The following IFNAR1 variants were observed in gnomAD, a reference collection of about 807,000 sequenced individuals.
IFNAR1 encodes the protein interferon alpha and beta receptor subunit 1.
A neutral mutation model predicts 62.1 loss-of-function variants in IFNAR1; 47 were observed. The observed-to-expected ratio is 0.76, with a 90% CI of 0.60 to 0.97. The LOEUF (loss-of-function observed/expected upper bound fraction) is 0.97. Among genes scored for constraint, IFNAR1 ranks in the 50% least tolerant of loss-of-function variants. IFNAR1 has a pLI of 0.00. For missense variants in IFNAR1, 638 were observed against 654.5 expected (o/e 0.97, Z 0.27); for synonymous variants, 219 against 226.9 (o/e 0.97, Z 0.31).
At chr21:33,349,853 G>A (rs985838061) in intron 8 of IFNAR1, among the ~76,000 whole-genome samples, 5 of 151,946 alleles carry the variant, frequency 3.3e-5, no homozygotes, top group African/African-American at 1.2e-4. Context: ...GGGAGGTCAA[G>A]GCTGCAGTGA....
At chr21:33,337,769 A>G (rs946867261) in intron 2 of IFNAR1, among the ~76,000 whole-genome samples, 4 of 152,300 alleles carry the variant, frequency 2.6e-5, no homozygotes, top group African/African-American at 9.6e-5. Context: ...ATATATACAT[A>G]TACACACTGT....
At chr21:33,333,151 C>A (rs1455248245) in intron 1 of IFNAR1, among the ~76,000 whole-genome samples, 2 of 152,212 alleles carry the variant, frequency 1.3e-5, no homozygotes, top group Non-Finnish European at 2.9e-5. Flanking sequence ...ATTCAGCTAA[C>A]AGCAGATTTC....
chr21:33,348,918 C>T (rs1228742110), intron 6 of IFNAR1, among the ~76,000 whole-genome samples, 173 bp from the exon 7 acceptor site: 1 of 152,200 alleles, frequency 6.6e-6, no homozygotes, highest in Non-Finnish European at 1.5e-5. Flanking sequence ...TGACCACAGT[C>T]TGGAACAGTC....
chr21:33,325,248 C>A, intron 1 of IFNAR1, 117 bp downstream of exon 1: 2 of 882,416 alleles, frequency 2.3e-6, no homozygotes, highest in South Asian at 1.5e-5. Context: ...ACCTTCGGTC[C>A]ACTTTGCCGC....
chr21:33,339,804 TGTAATCACAGCTA>T (rs938600671), intron 2 of IFNAR1, among the ~76,000 whole-genome samples: 12 of 151,644 alleles, frequency 7.9e-5, no homozygotes, highest in Non-Finnish European at 1.6e-4. Flanking sequence ...GGCACACGCC[TGTAATCACAGCTA>T]GTTGAGAGGC....
rs370797415 is a variant in IFNAR1, at chr21:33,325,030, C to T, written c.-26C>T. On this transcript the variant is annotated 5_prime_UTR_variant, in exon 1 of 11. Transcript: ENST00000270139. ...GAGCTGCGCGTGCGCGAACATGTAACTGGTGGGATCTGCGGCGGCTCCCAG... is the reference window on the plus strand; with the variant it reads ...GAGCTGCGCGTGCGCGAACATGTAATTGGTGGGATCTGCGGCGGCTCCCAG... The T allele has an allele frequency of 3.2e-6, 5 of 1,575,260 alleles. No homozygotes were observed. The highest frequency in any genetic ancestry group is 4.3e-6 in the Non-Finnish European group (5 of 1,160,502).
At chr21:33,334,177 T>C (rs1182125883) in intron 1 of IFNAR1, among the ~76,000 whole-genome samples, 1 of 152,078 alleles carries the variant, frequency 6.6e-6, no homozygotes, top group African/African-American at 2.4e-5. Flanking sequence ...CCCAGATATA[T>C]AAAGTAAATA....
In IFNAR1 at chr21:33,358,662, G is replaced by A. The variant is rs553406730; in HGVS notation, c.*3113G>A. 2.6e-5 allele frequency: 4 copies of A among 151,978 alleles called. No individual in the cohort carries two copies. Among genetic ancestry groups the A allele is most frequent in the Admixed American group, 2.6e-4 (4 of 15,256 alleles). The allele number at this position is 151,978 out of a possible 1,614,324, so 9.4% of individuals were successfully genotyped here. On this transcript the variant is annotated 3_prime_UTR_variant, in exon 11 of 11. Transcript: ENST00000270139. ...TCCCTAGAATTGTGAACTTTTAAGA[G>A]TCTGACTAGAAATTTGCAACTTATA...
intron 10 of IFNAR1, among the ~76,000 whole-genome samples, chr21:33,354,600 A>G (rs1443692770): frequency 6.6e-6 from 1 of 152,202 alleles, no homozygotes; most frequent in African/African-American, 2.4e-5. Context: ...CACTTCTATG[A>G]AGCTAGCATA....
At chr21:33,351,785 G>A (rs1029501068) in intron 8 of IFNAR1, among the ~76,000 whole-genome samples, 3 of 151,912 alleles carry the variant, frequency 2.0e-5, no homozygotes, top group African/African-American at 7.3e-5. Flanking sequence ...GGTGGTGGTG[G>A]TTGTTTTGGA....
chr21:33,334,563 C>G, intron 1 of IFNAR1: 1 of 531,982 alleles, frequency 1.9e-6, no homozygotes, highest in South Asian at 1.7e-5. Flanking sequence ...AACTGCCCTG[C>G]GAGAAATGCT....
At chr21:33,338,070 A>G (rs894466444) in intron 2 of IFNAR1, among the ~76,000 whole-genome samples, 3 of 152,218 alleles carry the variant, frequency 2.0e-5, no homozygotes, top group African/African-American at 7.2e-5. Flanking sequence ...CAAAACCCAA[A>G]TCCATCAAAA....
intron 2 of IFNAR1, among the ~76,000 whole-genome samples, chr21:33,337,971 C>T (rs888390123): frequency 2.6e-5 from 4 of 152,082 alleles, no homozygotes; most frequent in Non-Finnish European, 5.9e-5. Context: ...TTCAGATACC[C>T]TTATTTAATG....
chr21:33,356,389 C>G lies in IFNAR1; in HGVS notation c.*840C>G, dbSNP rs999768593. ...TCTGAACACGTTATCACTTGGTTTT[C>G]TGGAAAGTAGCTTACCCTAGAAAAC... On this transcript the variant is annotated 3_prime_UTR_variant, in exon 11 of 11. Coordinates refer to ENST00000270139, the MANE Select transcript of IFNAR1 (RefSeq NM_000629.3). The G allele has an allele frequency of 9.2e-5, 14 of 152,198 alleles. No homozygotes were observed. 9.4% of individuals were successfully genotyped at this position (152,198 alleles called of 1,614,324 possible).
In IFNAR1 at chr21:33,355,452, A is replaced by G; in HGVS notation, c.1577A>G (p.Lys526Arg). The change falls in exon 11 of 11, where the codon AAA (lysine) becomes AGA (arginine). Residue 526 changes from lysine to arginine, a missense_variant. Lys to Arg is a conservative substitution (Grantham distance 26). Coordinates refer to ENST00000270139, the MANE Select transcript of IFNAR1 (RefSeq NM_000629.3). ...ETNQTDEDHK[K>R]YSSQTSQDSG... ...AATCAAACTGATGAAGATCATAAAA[A>G]ATACAGTTCCCAAACTAGCCAAGAT... 1 of 1,606,346 alleles carries G rather than the reference A, an allele frequency of 6.2e-7. No homozygotes were observed. The highest frequency in any genetic ancestry group is 8.5e-7 in the Non-Finnish European group (1 of 1,175,708).
At chr21:33,331,892 A>G (rs1487017004) in intron 1 of IFNAR1, among the ~76,000 whole-genome samples, 2 of 152,148 alleles carry the variant, frequency 1.3e-5, no homozygotes, top group African/African-American at 4.8e-5. Context: ...TCAAAGCTAC[A>G]ACCCATTCTC....
intron 1 of IFNAR1, among the ~76,000 whole-genome samples, chr21:33,330,856 A>T (rs1418947040): frequency 6.6e-6 from 1 of 152,156 alleles, no homozygotes; most frequent in Non-Finnish European, 1.5e-5. Context: ...GCACCAACAG[A>T]TCTCACCACT....
rs901296384 is a variant in IFNAR1, at chr21:33,357,093, G to C, written c.*1544G>C. The C allele has an allele frequency of 2.6e-5, 4 of 152,108 alleles. No individual in the cohort carries two copies. Among genetic ancestry groups the C allele is most frequent in the African/African-American group, 9.7e-5 (4 of 41,398 alleles). 9.4% of individuals were successfully genotyped at this position (152,108 alleles called of 1,614,324 possible). On this transcript the variant is annotated 3_prime_UTR_variant, in exon 11 of 11. Transcript: ENST00000270139. ...TTAGTTTTAAATTACTTGCTACTGG[G>C]GATTACCCATGGATATCCTTAATAG...
chr21:33,324,939 G>A, upstream of IFNAR1: 2 of 843,042 alleles, frequency 2.4e-6, no homozygotes, highest in Non-Finnish European at 3.8e-6. Flanking sequence ...GGCGGTGAGA[G>A]CTAAGAGGGG....
Sources: allele counts gnomAD v4.1 joint callset (sites outside exome capture counted in the v4.1 genomes callset), GRCh38; gene constraint gnomAD v4.1.1; transcripts MANE v1.5; gene names NCBI Gene and HGNC (gene_info 2026-07-23, HGNC 2026-07-21).